Variants in ABTB2 observed in about 807,000 individuals in gnomAD.
The protein encoded by ABTB2 is ankyrin repeat and BTB/POZ domain-containing protein 2.
In ABTB2, 56 loss-of-function variants were observed where a neutral mutation model predicts 104.1. That is an observed-to-expected ratio of 0.54 (90% CI 0.43 to 0.67). The LOEUF is 0.67. ABTB2 is among the 30% of genes least tolerant of loss of function. The pLI, the probability that ABTB2 is intolerant of heterozygous loss-of-function variation, is 0.00. For missense variants in ABTB2, 1,279 were observed against 1,407.7 expected (o/e 0.91, Z 1.46); for synonymous variants, 606 against 608.2 (o/e 1.00, Z 0.05).
chr11:34,326,015 T>TAAAATA (rs869278215), intron 1 of ABTB2, among the ~76,000 whole-genome samples: 1 of 142,782 alleles, frequency 7.0e-6, no homozygotes, highest in Non-Finnish European at 1.6e-5. Flanking sequence ...TAAAATAAAA[T>TAAAATA]AAAGAAAAAG....
chr11:34,334,992 TA>T (rs1855176816), intron 1 of ABTB2: 22 of 538,518 alleles, frequency 4.1e-5, no homozygotes, highest in Non-Finnish European at 3.3e-5. Context: ...ACCAATGTTG[TA>T]AATTCATAAA....
chr11:34,198,608 T>C (rs954315139), intron 2 of ABTB2, among the ~76,000 whole-genome samples: 3 of 152,192 alleles, frequency 2.0e-5, no homozygotes, highest in African/African-American at 7.2e-5. Flanking sequence ...TGAATTCATG[T>C]CTGTTCGACT....
In ABTB2 at chr11:34,172,371, C is replaced by CAAA. The variant is rs1230787869; in HGVS notation, c.1397+781_1397+783dup. 3.7e-3 allele frequency among the ~76,000 whole-genome samples: 227 copies of CAAA among 61,670 alleles called. 14 individuals are homozygous for CAAA. The highest frequency in any genetic ancestry group is 8.4e-3 in the Admixed American group (36 of 4,286). 40.5% of individuals were successfully genotyped at this position (61,670 alleles called of 152,430 possible). A position where few individuals can be genotyped will look rare whatever the true frequency, so the allele number is the denominator to read the frequency against. ...TGGGCAACAGAGTGAAACTCTGTCT[C>CAAA]AAAAAAAAAAAAAAAAAAAAAAAAA... On this transcript the variant is annotated intron_variant, in intron 4 of 16. Coordinates refer to ENST00000435224, the MANE Select transcript of ABTB2 (RefSeq NM_145804.3).
At chr11:34,343,072 C>T (rs1855282750) in intron 1 of ABTB2, among the ~76,000 whole-genome samples, 2 of 152,028 alleles carry the variant, frequency 1.3e-5, no homozygotes, top group African/African-American at 4.8e-5. Context: ...TGAGTTCAAG[C>T]AATCCTGCTG....
rs377511923 is a variant in ABTB2 at position 34,161,053 on chromosome 11, G to A, written c.2247C>T (p.Ile749=). ...LGVPWKLHIW[I]ESLRTSFSQS... Reference sequence around the variant, plus strand: ...GCGAGAACGAGGTCCTCAGAGACTCGATCCAGATGTGCAGCTTCCAGGGGA... The same window carrying A: ...GCGAGAACGAGGTCCTCAGAGACTCAATCCAGATGTGCAGCTTCCAGGGGA... The change falls in exon 11 of 17, where the codon ATC becomes ATT. Residue 749 remains isoleucine, a synonymous_variant. Transcript: ENST00000435224. The A allele has an allele frequency of 2.1e-4, 339 of 1,611,530 alleles. No individual in the cohort carries two copies. The highest frequency in any genetic ancestry group is 2.4e-4 in the Non-Finnish European group (283 of 1,178,992).
At position 34,168,007 on chromosome 11, in the gene ABTB2, T is replaced by C; in HGVS notation, c.1564-15A>G. On this transcript the variant is annotated splice_polypyrimidine_tract_variant and intron_variant, in intron 5 of 16. Transcript: ENST00000435224. ...GGCGTCATACCCTGAGCAAATCAAA[T>C]GCACGTGCTAAACTGTTTGCAAACA... The C allele has an allele frequency of 6.2e-7, 1 of 1,612,376 alleles. No homozygotes were observed. The highest frequency in any genetic ancestry group is 8.5e-7 in the Non-Finnish European group (1 of 1,178,986).
chr11:34,350,153 T>C (rs1855380146), intron 1 of ABTB2, among the ~76,000 whole-genome samples: 2 of 152,140 alleles, frequency 1.3e-5, no homozygotes, highest in Middle Eastern at 3.2e-3. Flanking sequence ...CCTTCACTGC[T>C]TTGCTACATC....
chr11:34,335,850 G>A (rs1855187406), intron 1 of ABTB2: 6 of 1,191,340 alleles, frequency 5.0e-6, no homozygotes, highest in Non-Finnish European at 7.4e-6. Flanking sequence ...CCTTTTGAGA[G>A]CATATATCTG....
intron 1 of ABTB2, among the ~76,000 whole-genome samples, chr11:34,350,232 C>T (rs11032625): frequency 0.16 from 23,835 of 151,736 alleles, 3,278 homozygotes; most frequent in African/African-American, 0.36. Flanking sequence ...ATGGGGGACT[C>T]GGAGGAAATC....
chr11:34,245,635 G>C (rs534580278), intron 1 of ABTB2, among the ~76,000 whole-genome samples: 2 of 152,304 alleles, frequency 1.3e-5, no homozygotes, highest in East Asian at 3.9e-4. Context: ...AGATGAGCAG[G>C]AGCTGGTGTC....
At chr11:34,184,557 G>A (rs1766313366) in intron 3 of ABTB2, among the ~76,000 whole-genome samples, 3 of 152,208 alleles carry the variant, frequency 2.0e-5, no homozygotes, top group Non-Finnish European at 4.4e-5. Flanking sequence ...GACTGCGCAT[G>A]GGCCTCCACC....
intron 1 of ABTB2, among the ~76,000 whole-genome samples, chr11:34,276,129 G>A (rs1315515181): frequency 2.6e-5 from 4 of 152,026 alleles, no homozygotes; most frequent in Admixed American, 2.6e-4. Flanking sequence ...TTTCTTAGGG[G>A]GGACTTCTAA....
At chr11:34,191,859 C>A (rs1247855065) in intron 3 of ABTB2, among the ~76,000 whole-genome samples, 1 of 152,206 alleles carries the variant, frequency 6.6e-6, no homozygotes. Context: ...CTCTGCTCCT[C>A]CCCATCGCCG....
In ABTB2 at chr11:34,357,284, G is replaced by C. The variant is rs1425979047; in HGVS notation, c.300C>G (p.Thr100=). ...RLPELEEFPW[T]EGDVARVLRK... is the part of the protein sequence containing the mutation. Reference sequence around the variant, plus strand: ...GGAGCACCCGGGCCACGTCTCCTTCGGTCCAGGGGAACTCCTCCAGCTCGG... The same window carrying C: ...GGAGCACCCGGGCCACGTCTCCTTCCGTCCAGGGGAACTCCTCCAGCTCGG... Residue 100 remains threonine (T), a synonymous_variant, in exon 1 of 17, where the codon ACC becomes ACG. Coordinates refer to ENST00000435224, the MANE Select transcript of ABTB2 (RefSeq NM_145804.3). The C allele has an allele frequency of 6.7e-7, 1 of 1,496,814 alleles. No homozygotes were observed. The highest frequency in any genetic ancestry group is 8.9e-7 in the Non-Finnish European group (1 of 1,122,488). The allele number at this position is 1,496,814 out of a possible 1,614,324, so 92.7% of individuals were successfully genotyped here.
rs748403479 is a variant in ABTB2 at position 34,356,777 on chromosome 11, C to T, written c.807G>A (p.Met269Ile). The T allele has an allele frequency of 1.9e-6, 3 of 1,611,322 alleles. No individual in the cohort carries two copies. The highest frequency in any genetic ancestry group is 8.5e-7 in the Non-Finnish European group (1 of 1,178,876). ...GGEVSAEALEMVINNDAELWG... is the reference protein window; with the variant it reads ...GGEVSAEALEIVINNDAELWG... The stretch of plus-strand genomic sequence containing the variant: ...AGAGCTCGGCGTCGTTGTTGATGAC[C>T]ATCTCCAGGGCCTCAGCAGACACCT... Residue 269 changes from methionine (M) to isoleucine (I), a missense_variant, in exon 1 of 17, where the codon ATG becomes ATA. Met to Ile is a conservative substitution (Grantham distance 10). Coordinates refer to ENST00000435224, the MANE Select transcript of ABTB2 (RefSeq NM_145804.3). This position sits in a 1 kb window ranked among gnomAD's most constrained non-coding sequence, Gnocchi z 4.6.
intron 1 of ABTB2, among the ~76,000 whole-genome samples, chr11:34,222,784 G>A (rs1351583851): frequency 1.3e-5 from 2 of 152,190 alleles, no homozygotes; most frequent in African/African-American, 4.8e-5. Flanking sequence ...TACCCCGAAG[G>A]AGTCCTTGCC....
chr11:34,152,620 C>T, intron 16 of ABTB2, 36 bp from the exon 17 acceptor site: 1 of 1,577,180 alleles, frequency 6.3e-7, no homozygotes. Flanking sequence ...AAGCCCATCG[C>T]CTTAGTACAG....
intron 1 of ABTB2, among the ~76,000 whole-genome samples, chr11:34,313,954 G>A (rs370144468): frequency 2.6e-5 from 4 of 152,344 alleles, no homozygotes; most frequent in African/African-American, 9.6e-5. Context: ...GGTGGGGCAG[G>A]TTGGAGGGCA....
At chr11:34,244,794 G>T (rs1190409143) in intron 1 of ABTB2, among the ~76,000 whole-genome samples, 1 of 152,170 alleles carries the variant, frequency 6.6e-6, no homozygotes, top group Admixed American at 6.5e-5. Flanking sequence ...GATCACTTGA[G>T]CCCAGGAGTT....
Sources: gnomAD v4.1 joint callset for allele counts (sites outside exome capture counted in the v4.1 genomes callset) on GRCh38, gnomAD v4.1.1 for gene constraint, Gnocchi (gnomAD v3.1) non-coding constraint, MANE v1.5 for transcripts, NCBI Gene and HGNC (gene_info 2026-07-23, HGNC 2026-07-21) for gene names.